Variants in NSD2 observed in about 807,000 individuals in gnomAD.
NSD2 encodes histone-lysine N-methyltransferase NSD2.
NSD2 carries 12 observed loss-of-function variants against 139.0 expected under a neutral mutation model. The ratio of observed to expected loss-of-function variants is 0.09; its 90% CI spans 0.06 to 0.14. NSD2 has a LOEUF of 0.14. Among genes scored for constraint, NSD2 ranks in the 10% least tolerant of loss-of-function variants. The pLI, the probability that NSD2 is intolerant of heterozygous loss-of-function variation, is 1.00. For missense variants in NSD2, 1,155 were observed against 1,745.0 expected (o/e 0.66, Z 6.02); for synonymous variants, 669 against 648.7 (o/e 1.03, Z -0.48).
At position 1,946,815 on chromosome 4, in the gene NSD2, A is replaced by T. The variant is rs905792611; in HGVS notation, c.1882-4257A>T. On this transcript the variant is annotated intron_variant, in intron 9 of 21. Coordinates refer to ENST00000508803, the MANE Select transcript of NSD2 (RefSeq NM_001042424.3). ...CATGCTTCCTTTGGGACATTCTTAC[A>T]GCAGGGTGTCTCTCCAACAGCCCGA... The T allele has an allele frequency of 3.8e-6, 4 of 1,055,548 alleles. No individual in the cohort carries two copies. The African/African-American group carries it at 5.0e-5, about 13-fold the overall frequency. The allele number at this position is 1,055,548 out of a possible 1,614,324, so 65.4% of individuals were successfully genotyped here.
At chr4:1,969,956 C>A (rs1726274323) in intron 18 of NSD2, among the ~76,000 whole-genome samples, 1 of 152,078 alleles carries the variant, frequency 6.6e-6, no homozygotes, top group Non-Finnish European at 1.5e-5. Context: ...AAGGAACACA[C>A]TAGAGAGTAG....
chr4:1,978,919 G>C lies in NSD2; in HGVS notation c.*10G>C. ...CACAGAGGGCAAATAGCGCCAGGCG[G>C]CCGCTTGGCCGGATCCAGGGGCGGT... is the stretch of plus-strand genomic sequence containing the variant. On this transcript the variant is annotated 3_prime_UTR_variant, in exon 22 of 22. Coordinates refer to ENST00000508803, the MANE Select transcript of NSD2 (RefSeq NM_001042424.3). 1 of 1,487,918 alleles carries C rather than the reference G, an allele frequency of 6.7e-7. No individual in the cohort carries two copies. Among genetic ancestry groups the C allele is most frequent in the Non-Finnish European group, 9.0e-7 (1 of 1,116,258 alleles). 92.2% of individuals were successfully genotyped at this position (1,487,918 alleles called of 1,614,324 possible).
chr4:1,884,550 C>G (rs1438672086), intron 1 of NSD2, among the ~76,000 whole-genome samples: 1 of 151,976 alleles, frequency 6.6e-6, no homozygotes, highest in African/African-American at 2.4e-5. Flanking sequence ...TGTGCCACCA[C>G]GCCTAGCTAA....
intron 21 of NSD2, among the ~76,000 whole-genome samples, chr4:1,977,517 T>A (rs919998448): frequency 2.9e-4 from 44 of 152,196 alleles, no homozygotes; most frequent in African/African-American, 9.7e-4. Context: ...GGCTCATGCC[T>A]GTAATCCCAG....
At chr4:1,905,663 G>A (rs967906231) in intron 3 of NSD2, among the ~76,000 whole-genome samples, 1 of 152,238 alleles carries the variant, frequency 6.6e-6, no homozygotes, top group East Asian at 1.9e-4. Context: ...GGCTGAGGAC[G>A]AAGAGGACTC....
At chr4:1,937,862 C>A (rs903900109) in intron 7 of NSD2, among the ~76,000 whole-genome samples, 1 of 152,204 alleles carries the variant, frequency 6.6e-6, no homozygotes, top group Non-Finnish European at 1.5e-5. Context: ...GCTTCATGAT[C>A]CCTTCTCCCA....
Position 1,935,127 on chromosome 4 carries a change from C to T in NSD2, c.1556-17C>T, listed in dbSNP as rs757014062. Reference sequence around the variant, plus strand: ...GGAGTGGTTTTCATGTACATTTTCCCCATTCCCCATTCCAAGGTAATGTAA... The same window carrying T: ...GGAGTGGTTTTCATGTACATTTTCCTCATTCCCCATTCCAAGGTAATGTAA... On this transcript the variant is annotated splice_polypyrimidine_tract_variant and intron_variant, in intron 6 of 21. Coordinates refer to ENST00000508803, the MANE Select transcript of NSD2 (RefSeq NM_001042424.3). 8.2e-6 allele frequency: 13 copies of T among 1,593,956 alleles called. No individual in the cohort carries two copies. In the African/African-American group the frequency reaches 1.8e-4, roughly 22 times the overall value.
chr4:1,875,923 A>G (rs1714223450), intron 1 of NSD2, among the ~76,000 whole-genome samples: 1 of 141,586 alleles, frequency 7.1e-6, no homozygotes, highest in African/African-American at 2.7e-5. Flanking sequence ...AAAGAATTCA[A>G]GACAGATTTT....
rs560655962 is a variant in NSD2, at chr4:1,905,731, G to A, written c.760+1353G>A. ...GCCCTGGCCTCCTGTCCTGTGCCAT[G>A]TGTGCTCTGCAGGAGTTGTGGCAGA... On this transcript the variant is annotated intron_variant, in intron 3 of 21. Coordinates refer to ENST00000508803, the MANE Select transcript of NSD2 (RefSeq NM_001042424.3). Among the ~76,000 whole-genome samples the A allele has an allele frequency of 7.2e-5, 11 of 152,340 alleles. No individual in the cohort carries two copies. In the South Asian group the frequency reaches 2.3e-3, roughly 32 times the overall value.
chr4:1,956,794 T>C lies in NSD2; in HGVS notation c.2881+606T>C, dbSNP rs1724850492. On this transcript the variant is annotated intron_variant, in intron 15 of 21. Coordinates refer to ENST00000508803, the MANE Select transcript of NSD2 (RefSeq NM_001042424.3). The surrounding 1 kb of genome is among the most constrained non-coding windows in gnomAD (Gnocchi z 5.3). ...CCCGAGGTGTGTGCATGTGGCTCGT[T>C]CAGGGAGAAGCACACGCTGTGTTGC... 1.3e-5 allele frequency among the ~76,000 whole-genome samples: 2 copies of C among 152,198 alleles called. No individual in the cohort carries two copies. The highest frequency in any genetic ancestry group is 4.8e-5 in the African/African-American group (2 of 41,454).
At chr4:1,966,512 C>T (rs1453914325) in intron 18 of NSD2, among the ~76,000 whole-genome samples, 1 of 152,006 alleles carries the variant, frequency 6.6e-6, no homozygotes, top group Non-Finnish European at 1.5e-5. Flanking sequence ...AAAAAATTAG[C>T]CGGGCGTGGT....
At chr4:1,969,222 C>T (rs1016649757) in intron 18 of NSD2, among the ~76,000 whole-genome samples, 1 of 152,104 alleles carries the variant, frequency 6.6e-6, no homozygotes. Context: ...GATCACCTTC[C>T]AAAAGGAAGG....
At position 1,972,792 on chromosome 4, in the gene NSD2, A is replaced by G. The variant is rs182090559; in HGVS notation, c.3373-2071A>G. On this transcript the variant is annotated intron_variant, in intron 18 of 21. Transcript: ENST00000508803. This position sits in a 1 kb window ranked among gnomAD's most constrained non-coding sequence, Gnocchi z 4.0. ...ATAAGGCGGAGGCAGCTTTGTGAGA[A>G]AAGACATTGTGCACGGAAGATTCCA... is the stretch of plus-strand genomic sequence containing the variant. Among the ~76,000 whole-genome samples, 24 of 152,364 alleles carry G rather than the reference A, an allele frequency of 1.6e-4. No homozygotes were observed. In the East Asian group the frequency reaches 4.2e-3, roughly 27 times the overall value.
chr4:1,979,982 C>G lies in NSD2; in HGVS notation c.*1073C>G, dbSNP rs1421151114. 1 of 232,756 alleles carries G rather than the reference C, an allele frequency of 4.3e-6. No homozygotes were observed. Among genetic ancestry groups the G allele is most frequent in the Admixed American group, 5.6e-5 (1 of 17,766 alleles). 14.4% of individuals were successfully genotyped at this position (232,756 alleles called of 1,614,324 possible). On this transcript the variant is annotated 3_prime_UTR_variant, in exon 22 of 22. Transcript: ENST00000508803. The stretch of plus-strand genomic sequence containing the variant: ...CTAAAGAGAGACGGAGTCTAGCTCT[C>G]CTGCCACCCAGAGTGGCTTCCATCT...
intron 1 of NSD2, among the ~76,000 whole-genome samples, chr4:1,888,958 C>G (rs948646693): frequency 1.4e-5 from 2 of 147,676 alleles, no homozygotes; most frequent in African/African-American, 2.5e-5. Flanking sequence ...AGTGCAGTGG[C>G]ATGATCTCGG....
Position 1,947,701 on chromosome 4 carries a change from G to T in NSD2, c.1882-3371G>T, listed in dbSNP as rs983141844. 26 of 1,053,704 alleles carry T rather than the reference G, an allele frequency of 2.5e-5. No homozygotes were observed. In the African/African-American group the frequency reaches 4.1e-4, roughly 17 times the overall value. The allele number at this position is 1,053,704 out of a possible 1,614,324, so 65.3% of individuals were successfully genotyped here. ...ATTTGTAAACGCAAACACTGTGGAG[G>T]TACTTCTCGCCATCAGCTTCCTTCT... On this transcript the variant is annotated intron_variant, in intron 9 of 21. Transcript: ENST00000508803.
intron 1 of NSD2, among the ~76,000 whole-genome samples, chr4:1,897,356 G>C (rs1374252111): frequency 6.6e-6 from 1 of 151,968 alleles, no homozygotes; most frequent in Non-Finnish European, 1.5e-5. Context: ...ATGGTGGGGT[G>C]CACCTATAGT....
At chr4:1,938,388 C>CTTTTTTTTTTTTTTTTTTTTTTTTTT in intron 7 of NSD2, 63 bp from the exon 8 acceptor site, 8 of 1,129,856 alleles carry the variant, frequency 7.1e-6, no homozygotes, top group South Asian at 2.7e-5. Context: ...TTTTTTTTTC[C>CTTTTTTTTTTTTTTTTTTTTTTTTTT]TTTTTTTCTT....
intron 15 of NSD2, among the ~76,000 whole-genome samples, chr4:1,957,600 T>A (rs1724963949): frequency 6.6e-6 from 1 of 152,110 alleles, no homozygotes; most frequent in African/African-American, 2.4e-5. Flanking sequence ...AGGTGCATTT[T>A]TATTTTCTGT....
Sources: allele counts gnomAD v4.1 joint callset (sites outside exome capture counted in the v4.1 genomes callset), GRCh38; gene constraint gnomAD v4.1.1; non-coding constraint Gnocchi (gnomAD v3.1); transcripts MANE v1.5; gene names NCBI Gene and HGNC (gene_info 2026-07-23, HGNC 2026-07-21).